Variants in TACC2 observed in about 807,000 individuals in gnomAD.
The protein encoded by TACC2 is transforming acidic coiled-coil-containing protein 2.
A neutral mutation model predicts 227.3 loss-of-function variants in TACC2; 137 were observed. The ratio of observed to expected loss-of-function variants is 0.60; its 90% CI spans 0.52 to 0.69. The LOEUF is 0.69. TACC2 is among the 30% of genes least tolerant of loss of function. The pLI, the probability that TACC2 is intolerant of heterozygous loss-of-function variation, is 0.00. For missense variants in TACC2, 3,470 were observed against 3,694.4 expected, an observed-to-expected ratio of 0.94 and a Z score of 1.57; for synonymous variants, 1,523 against 1,487.5, an observed-to-expected ratio of 1.02 and a Z score of -0.55.
chr10:122,062,074 C>A (rs1238844408), intron 3 of TACC2, among the ~76,000 whole-genome samples: 1 of 147,938 alleles, frequency 6.8e-6, no homozygotes, highest in Non-Finnish European at 1.5e-5. Flanking sequence ...GCTCTGTCAC[C>A]CAGGCTGGAG....
chr10:122,167,243 G>A (rs1465696936), intron 7 of TACC2, among the ~76,000 whole-genome samples: 1 of 152,226 alleles, frequency 6.6e-6, no homozygotes, highest in African/African-American at 2.4e-5. Flanking sequence ...CACAAATATG[G>A]AAACCCATAC....
intron 1 of TACC2, among the ~76,000 whole-genome samples, chr10:121,999,629 T>G (rs1176580214): frequency 6.6e-6 from 1 of 152,238 alleles, no homozygotes; most frequent in East Asian, 1.9e-4. Flanking sequence ...CCTGTTTTAC[T>G]GCCCCAGGAC....
At chr10:122,178,395 C>T (rs972176178) in intron 7 of TACC2, among the ~76,000 whole-genome samples, 8 of 152,122 alleles carry the variant, frequency 5.3e-5, no homozygotes, top group South Asian at 2.1e-4. Flanking sequence ...CACCACCACA[C>T]GTGGCTAAGT....
intron 7 of TACC2, among the ~76,000 whole-genome samples, chr10:122,164,794 C>T (rs1264749191): frequency 2.0e-5 from 3 of 152,172 alleles, no homozygotes; most frequent in Non-Finnish European, 4.4e-5. Context: ...CCTCACCTGC[C>T]CCCACTTTTC....
Position 122,229,421 on chromosome 10 carries a change from G to T in TACC2, c.7972G>T (p.Ala2658Ser), listed in dbSNP as rs1002413226. The stretch of plus-strand genomic sequence containing the variant: ...AGCTCACCCCGTCTCTCTCTGTGGT[G>T]CACTTGACTATCTGGAGCCCGACTT... ...RLAHPVSLCG[A>S]LDYLEPDLAE... The change falls in exon 15 of 23, where the codon GCA becomes TCA. Residue 2658 changes from alanine to serine, a missense_variant. Around this residue, in one of 10 missense-constraint regions of TACC2, gnomAD observed 345 missense variants for 354.4 expected, o/e 0.97. Transcript: ENST00000369005. 6.2e-7 allele frequency: 1 copy of T among 1,613,784 alleles called. No homozygotes were observed. Among genetic ancestry groups the T allele is most frequent in the African/African-American group, 1.3e-5 (1 of 74,812 alleles).
intron 2 of TACC2, among the ~76,000 whole-genome samples, chr10:122,038,110 A>G (rs1032280282): frequency 3.9e-5 from 6 of 152,162 alleles, no homozygotes; most frequent in Admixed American, 2.0e-4. Flanking sequence ...AATACAAAAA[A>G]TTAGCAGGGT....
intron 2 of TACC2, among the ~76,000 whole-genome samples, chr10:122,037,408 A>T (rs985328993): frequency 2.6e-5 from 4 of 152,070 alleles, no homozygotes; most frequent in African/African-American, 7.2e-5. Context: ...TGGGGGTGAG[A>T]CTCCAGCAGT....
At chr10:122,147,437 G>A (rs1052667231) in intron 7 of TACC2, among the ~76,000 whole-genome samples, 3 of 152,276 alleles carry the variant, frequency 2.0e-5, no homozygotes, top group Admixed American at 6.5e-5. Context: ...GAGCCACTGC[G>A]CCCCGCCAAG....
chr10:122,019,252 C>T (rs1957053159), intron 1 of TACC2, among the ~76,000 whole-genome samples: 1 of 152,212 alleles, frequency 6.6e-6, no homozygotes. Context: ...TCAAGCCACG[C>T]CTGGGTAAGT....
rs895567603 is a variant in TACC2, at chr10:122,224,550, G to T, written c.7547-176G>T. ...ATTTACCGTTTGTCTGAAAATAGCC[G>T]AACTGAGCCTTTTCTTCAGGCTATA... On this transcript the variant is annotated intron_variant, in intron 11 of 22. Coordinates refer to ENST00000369005, the MANE Select transcript of TACC2 (RefSeq NM_206862.4). Among the ~76,000 whole-genome samples the T allele has an allele frequency of 1.7e-4, 26 of 152,214 alleles. 1 individual carries two copies. The highest frequency in any genetic ancestry group is 6.2e-4 in the South Asian group (3 of 4,822).
intron 3 of TACC2, among the ~76,000 whole-genome samples, chr10:122,065,358 T>C (rs1337740939): frequency 6.6e-6 from 1 of 152,242 alleles, no homozygotes; most frequent in Non-Finnish European, 1.5e-5. Flanking sequence ...TCAAATACTT[T>C]ACAATTTCCT....
chr10:122,095,968 T>C (rs2081339849), intron 5 of TACC2, among the ~76,000 whole-genome samples: 1 of 152,248 alleles, frequency 6.6e-6, no homozygotes, highest in Non-Finnish European at 1.5e-5. Flanking sequence ...CCACTGTGTC[T>C]TTGCATTACG....
At chr10:121,995,247 C>T (rs1437595251) in intron 1 of TACC2, among the ~76,000 whole-genome samples, 1 of 152,208 alleles carries the variant, frequency 6.6e-6, no homozygotes, top group Non-Finnish European at 1.5e-5. Flanking sequence ...GCCGTGTGAT[C>T]TTGGCAAACG....
Position 122,210,402 on chromosome 10 carries a change from G to A in TACC2, c.5977G>A (p.Gly1993Ser), listed in dbSNP as rs776454653. 5.8e-5 allele frequency: 93 copies of A among 1,613,292 alleles called. No homozygotes were observed. Among genetic ancestry groups the A allele is most frequent in the Non-Finnish European group, 7.5e-5 (88 of 1,179,438 alleles). ...TQPPPEEPGC[G>S]SETVPVPDGP... ...CGTTGTCTGTGTTTCCCCAGGATGT[G>A]GTTCTGAGACAGTCCCTGTCCCTGA... The change falls in exon 9 of 23, where the codon GGT becomes AGT. Residue 1993 changes from glycine (G) to serine (S), a missense_variant. Transcript: ENST00000369005. The surrounding 1 kb of genome is among the most constrained non-coding windows in gnomAD (Gnocchi z 4.6).
chr10:122,220,509 T>A (rs907850689), intron 11 of TACC2, among the ~76,000 whole-genome samples: 1 of 152,086 alleles, frequency 6.6e-6, no homozygotes, highest in Admixed American at 6.5e-5. Context: ...CCCCCCAGCA[T>A]CTGGACGTGG....
At chr10:122,071,949 G>A (rs924826291) in intron 3 of TACC2, among the ~76,000 whole-genome samples, 12 of 145,642 alleles carry the variant, frequency 8.2e-5, no homozygotes, top group East Asian at 2.0e-4. Context: ...ATCCACATCC[G>A]CATACACATG....
chr10:122,033,727 C>T (rs116815698), intron 2 of TACC2, among the ~76,000 whole-genome samples: 2,092 of 152,188 alleles, frequency 0.014, 45 homozygotes, highest in African/African-American at 0.048. Context: ...CTGGAGAGGA[C>T]GTTGAGGTTA....
intron 19 of TACC2, chr10:122,247,471 C>G (rs1390262485): frequency 6.6e-6 from 1 of 152,184 alleles, no homozygotes; most frequent in Admixed American, 6.5e-5. Flanking sequence ...CCACCTGGGC[C>G]GGGGATGGAT....
intron 7 of TACC2, among the ~76,000 whole-genome samples, chr10:122,153,677 C>T (rs981094583): frequency 1.3e-5 from 2 of 152,250 alleles, no homozygotes; most frequent in Non-Finnish European, 2.9e-5. Context: ...CCTTGCACTG[C>T]AGTGCCTCGG....
Sources: allele counts gnomAD v4.1 joint callset (sites outside exome capture counted in the v4.1 genomes callset), GRCh38; gene constraint gnomAD v4.1.1; regional missense constraint gnomAD v4.1.1; non-coding constraint Gnocchi (gnomAD v3.1); transcripts MANE v1.5; gene names NCBI Gene and HGNC (gene_info 2026-07-23, HGNC 2026-07-21).